TTLL11: variants seen among roughly 807,000 people sequenced by gnomAD.
TTLL11 encodes the protein tubulin tyrosine ligase like 11, also known as tubulin polyglutamylase TTLL11.
TTLL11 carries 42 observed loss-of-function variants against 51.7 expected under a neutral mutation model. The observed-to-expected ratio is 0.81, with a 90% CI of 0.64 to 1.05. The LOEUF (loss-of-function observed/expected upper bound fraction) is 1.05, where lower values mean the gene tolerates loss of function less well. Among genes scored for constraint, TTLL11 ranks in the 50% least tolerant of loss-of-function variants. The pLI is 0.00. For missense variants in TTLL11, 799 were observed against 940.4 expected, an observed-to-expected ratio of 0.85 and a Z score of 1.97; for synonymous variants, 381 against 383.5, an observed-to-expected ratio of 0.99 and a Z score of 0.08.
intron 1 of TTLL11, among the ~76,000 whole-genome samples, chr9:122,048,279 G>T (rs575582705): frequency 6.6e-6 from 1 of 151,978 alleles, no homozygotes; most frequent in African/African-American, 2.4e-5. Context: ...TGATCCTCCC[G>T]CATCAGCCTC....
At chr9:121,894,405 A>C (rs2131452114) in intron 6 of TTLL11, among the ~76,000 whole-genome samples, 1 of 152,350 alleles carries the variant, frequency 6.6e-6, no homozygotes, top group East Asian at 1.9e-4. Flanking sequence ...TATATACCCG[A>C]AGGATTATAA....
intron 6 of TTLL11, among the ~76,000 whole-genome samples, chr9:121,936,819 G>T (rs1233899775): frequency 6.6e-6 from 1 of 152,198 alleles, no homozygotes; most frequent in Non-Finnish European, 1.5e-5. Context: ...TATGCAAATA[G>T]TTATGAAACA....
chr9:121,838,728 A>AAAAG (rs553465546), intron 8 of TTLL11, among the ~76,000 whole-genome samples: 3 of 150,942 alleles, frequency 2.0e-5, no homozygotes, highest in African/African-American at 7.3e-5. Context: ...AGAAAGAAAG[A>AAAAG]AAAGAAAGAA....
At chr9:121,830,113 G>T (rs1836956036) in intron 8 of TTLL11, among the ~76,000 whole-genome samples, 1 of 152,212 alleles carries the variant, frequency 6.6e-6, no homozygotes, top group South Asian at 2.1e-4. Context: ...TGTGAACCTT[G>T]TAACAGTCGT....
intron 6 of TTLL11, among the ~76,000 whole-genome samples, chr9:121,900,642 CCTACATT>C (rs537458369): frequency 6.6e-6 from 1 of 152,166 alleles, no homozygotes; most frequent in Non-Finnish European, 1.5e-5. Flanking sequence ...CTTATTCTAT[CCTACATT>C]CTTAAAATTC....
intron 6 of TTLL11, among the ~76,000 whole-genome samples, chr9:121,925,746 G>C (rs80032038): frequency 0.012 from 1,891 of 152,262 alleles, 34 homozygotes; most frequent in African/African-American, 0.042. Context: ...TGTGTCCAGA[G>C]CCTAGTCCAG....
Position 121,818,047 on chromosome 9 carries a change from A to C in TTLL11, c.*4540T>G, listed in dbSNP as rs1223804648. 3 of 152,288 alleles carry C rather than the reference A, an allele frequency of 2.0e-5. No individual in the cohort carries two copies. The highest frequency in any genetic ancestry group is 7.2e-5 in the African/African-American group (3 of 41,446). 9.4% of individuals were successfully genotyped at this position (152,288 alleles called of 1,614,324 possible). On this transcript the variant is annotated 3_prime_UTR_variant, in exon 9 of 9. Transcript: ENST00000321582. ...TCCATTCCCCTGACTACCTACATGCACATCCGGAGGACCTGCTGGGAACTC... is the reference window on the plus strand; with the variant it reads ...TCCATTCCCCTGACTACCTACATGCCCATCCGGAGGACCTGCTGGGAACTC...
In TTLL11 at chr9:122,080,464, G is replaced by A. The variant is rs750952437; in HGVS notation, c.462+12223C>T. ...TCTGGGAGGCTCAAGCCAGAGGATC[G>A]TTGAGGCCAAGAGTTCAAGACCAGC... On this transcript the variant is annotated intron_variant, in intron 1 of 8. Coordinates refer to ENST00000321582, the MANE Select transcript of TTLL11 (RefSeq NM_001139442.2). Among the ~76,000 whole-genome samples the A allele has an allele frequency of 5.9e-5, 9 of 152,064 alleles. No individual in the cohort carries two copies. The South Asian group carries it at 6.2e-4, about 11-fold the overall frequency.
At chr9:122,066,742 G>A (rs1215140872) in intron 1 of TTLL11, among the ~76,000 whole-genome samples, 15 of 152,238 alleles carry the variant, frequency 9.9e-5, no homozygotes, top group East Asian at 5.8e-4. Flanking sequence ...AGTATGGTCC[G>A]TTTTCATACT....
intron 6 of TTLL11, among the ~76,000 whole-genome samples, chr9:121,949,179 G>A (rs910328808): frequency 6.6e-6 from 1 of 152,160 alleles, no homozygotes; most frequent in Non-Finnish European, 1.5e-5. Flanking sequence ...TATCACATTA[G>A]TTAACAGCAA....
chr9:122,006,859 G>A lies in TTLL11; in HGVS notation c.694-17089C>T, dbSNP rs543183209. 3.6e-3 allele frequency among the ~76,000 whole-genome samples: 542 copies of A among 151,648 alleles called. 3 individuals are homozygous for A. Among genetic ancestry groups the A allele is most frequent in the Non-Finnish European group, 5.4e-3 (365 of 67,910 alleles). The stretch of plus-strand genomic sequence containing the variant: ...AAATTAGCCAGGTGTGGTGGCACAC[G>A]CCTGTAATTCCAGCTACTCTGGAGG... On this transcript the variant is annotated intron_variant, in intron 3 of 8. Coordinates refer to ENST00000321582, the MANE Select transcript of TTLL11 (RefSeq NM_001139442.2).
chr9:121,900,123 C>T (rs906186854), intron 6 of TTLL11, among the ~76,000 whole-genome samples: 1 of 152,194 alleles, frequency 6.6e-6, no homozygotes, highest in Admixed American at 6.5e-5. Context: ...AAGGGTGTCT[C>T]CTAATAGTCC....
intron 8 of TTLL11, among the ~76,000 whole-genome samples, chr9:121,826,217 T>TATATACATAC (rs1491163835): frequency 3.4e-5 from 2 of 58,102 alleles, no homozygotes; most frequent in African/African-American, 7.4e-5. Context: ...TATATATATA[T>TATATACATAC]GCACACATAT....
intron 3 of TTLL11, among the ~76,000 whole-genome samples, chr9:121,990,843 A>G (rs1379395561): frequency 1.3e-5 from 2 of 152,014 alleles, no homozygotes; most frequent in Non-Finnish European, 2.9e-5. Context: ...CACATAATTA[A>G]CTATCCAGGC....
At chr9:121,910,369 C>A (rs1840072698) in intron 6 of TTLL11, among the ~76,000 whole-genome samples, 1 of 152,208 alleles carries the variant, frequency 6.6e-6, no homozygotes, top group Non-Finnish European at 1.5e-5. Context: ...CTGCAGGGAG[C>A]AGCATGGCTT....
At chr9:121,985,956 G>A (rs868508839) in intron 4 of TTLL11, among the ~76,000 whole-genome samples, 5 of 152,362 alleles carry the variant, frequency 3.3e-5, no homozygotes, top group Middle Eastern at 3.4e-3. Flanking sequence ...GCAGGGAAGT[G>A]AGCGTAGGTG....
At chr9:121,919,796 G>A (rs531156445) in intron 6 of TTLL11, among the ~76,000 whole-genome samples, 49 of 144,560 alleles carry the variant, frequency 3.4e-4, no homozygotes, top group African/African-American at 1.3e-3. Context: ...AGGATCACTT[G>A]AGGCCAGGAG....
chr9:121,961,078 A>G (rs758178085), intron 6 of TTLL11, among the ~76,000 whole-genome samples: 4 of 152,196 alleles, frequency 2.6e-5, no homozygotes, highest in Non-Finnish European at 4.4e-5. Context: ...GGGTTTTCAA[A>G]TGATGACTGA....
At chr9:122,006,718 C>G (rs1425623658) in intron 3 of TTLL11, among the ~76,000 whole-genome samples, 1 of 152,112 alleles carries the variant, frequency 6.6e-6, no homozygotes, top group African/African-American at 2.4e-5. Flanking sequence ...CATGTGGTGG[C>G]TCACACCTGT....
Sources: allele counts gnomAD v4.1 joint callset (sites outside exome capture counted in the v4.1 genomes callset), GRCh38; gene constraint gnomAD v4.1.1; transcripts MANE v1.5; gene names NCBI Gene and HGNC (gene_info 2026-07-23, HGNC 2026-07-21).